Variants in BTNL8 observed in about 807,000 individuals in gnomAD.
The protein encoded by BTNL8 is butyrophilin like 8, also known as butyrophilin-like protein 8.
In BTNL8, 22 loss-of-function variants were observed where a neutral mutation model predicts 36.1. That is an observed-to-expected ratio of 0.61 (90% CI 0.44 to 0.87). The LOEUF is 0.87. Ranked by LOEUF, BTNL8 falls within the 40% of genes least tolerant of loss-of-function variation. BTNL8 has a pLI of 0.00. For synonymous variants in BTNL8, 203 were observed against 235.6 expected (o/e 0.86, Z 1.27); for missense variants, 526 against 616.9 (o/e 0.85, Z 1.56).
rs774049664 is a variant in BTNL8 at position 180,899,262 on chromosome 5, C to T, written c.-49C>T. On this transcript the variant is annotated 5_prime_UTR_variant, in exon 1 of 8. Coordinates refer to ENST00000340184, the MANE Select transcript of BTNL8 (RefSeq NM_001040462.3). Reference sequence around the variant, plus strand: ...CTTCTCTCTAATCCATCCGTCACCTCTCCTGTCATCCGTTTCCATGCCGTG... The same window carrying T: ...CTTCTCTCTAATCCATCCGTCACCTTTCCTGTCATCCGTTTCCATGCCGTG... 5 of 1,601,286 alleles carry T rather than the reference C, an allele frequency of 3.1e-6. No homozygotes were observed. The South Asian group carries it at 4.4e-5, about 14-fold the overall frequency.
At chr5:180,940,826 G>A (rs903420791) in intron 3 of BTNL8, among the ~76,000 whole-genome samples, 1 of 152,122 alleles carries the variant, frequency 6.6e-6, no homozygotes, top group Non-Finnish European at 1.5e-5. Flanking sequence ...AGCACTTTGG[G>A]AGGCCAAGGC....
chr5:180,936,175 C>T (rs1758647075), intron 3 of BTNL8, among the ~76,000 whole-genome samples: 1 of 152,062 alleles, frequency 6.6e-6, no homozygotes, highest in South Asian at 2.1e-4. Flanking sequence ...TCCGAAAGTG[C>T]TGGGGTTACA....
intron 3 of BTNL8, among the ~76,000 whole-genome samples, chr5:180,914,271 A>T (rs1028301785): frequency 6.6e-6 from 1 of 152,218 alleles, no homozygotes; most frequent in African/African-American, 2.4e-5. Flanking sequence ...TGAGGGACAC[A>T]GTGTTCATCG....
chr5:180,949,682 C>G, intron 7 of BTNL8: 2 of 606,072 alleles, frequency 3.3e-6, no homozygotes, highest in Admixed American at 3.5e-5. Context: ...GGTGATATGC[C>G]GAGATTGGGA....
chr5:180,923,696 AG>A (rs1757970972), intron 3 of BTNL8, among the ~76,000 whole-genome samples: 1 of 152,194 alleles, frequency 6.6e-6, no homozygotes, highest in Admixed American at 6.5e-5. Context: ...ATTTCCAGGA[AG>A]GAAAAAATAG....
At chr5:180,927,832 T>C (rs764665072) in intron 3 of BTNL8, among the ~76,000 whole-genome samples, 1 of 152,136 alleles carries the variant, frequency 6.6e-6, no homozygotes, top group Non-Finnish European at 1.5e-5. Flanking sequence ...TATGGGACTA[T>C]GTGAAAAGAC....
intron 3 of BTNL8, among the ~76,000 whole-genome samples, chr5:180,929,279 C>A (rs1179228059): frequency 2.6e-5 from 4 of 152,128 alleles, no homozygotes; most frequent in Admixed American, 6.5e-5. Flanking sequence ...AACAAAGACA[C>A]AATGTACCAG....
At chr5:180,910,011 A>T (rs1236514607) in intron 2 of BTNL8, 1 of 152,190 alleles carries the variant, frequency 6.6e-6, no homozygotes, top group African/African-American at 2.4e-5. Flanking sequence ...CCTCCTCCTC[A>T]TAGCAGACTT....
intron 1 of BTNL8, chr5:180,902,384 TG>T: frequency 6.4e-7 from 1 of 1,551,068 alleles, no homozygotes; most frequent in Non-Finnish European, 8.7e-7. Context: ...GATGTGGACA[TG>T]GTTTGTCAAA....
chr5:180,916,909 C>T (rs139026071), intron 3 of BTNL8, among the ~76,000 whole-genome samples: 86 of 152,292 alleles, frequency 5.6e-4, no homozygotes, highest in African/African-American at 1.7e-3. Context: ...CAATTGATCA[C>T]GAGTAACTGA....
chr5:180,912,436 T>C (rs1200583324), intron 3 of BTNL8, among the ~76,000 whole-genome samples: 1 of 152,082 alleles, frequency 6.6e-6, no homozygotes, highest in Non-Finnish European at 1.5e-5. Flanking sequence ...TGTATATATA[T>C]ATATATATGT....
chr5:180,907,385 A>G (rs964453858), intron 1 of BTNL8, among the ~76,000 whole-genome samples: 8 of 128,308 alleles, frequency 6.2e-5, no homozygotes, highest in African/African-American at 2.7e-4. Context: ...AGCTCCTTTA[A>G]GCACTTCTCT....
Position 180,943,475 on chromosome 5 carries a change from T to TAA in BTNL8, c.674-4037_674-4036insAA, listed in dbSNP as rs1265534694. ...CATTTCTTAAAAGAAAACATACAAA[T>TAA]GAACAACAGATATATAAAAATCTGT... On this transcript the variant is annotated intron_variant, in intron 3 of 7. Transcript: ENST00000340184. 2.0e-5 allele frequency among the ~76,000 whole-genome samples: 3 copies of TAA among 152,048 alleles called. No homozygotes were observed. In the South Asian group the frequency reaches 6.2e-4, roughly 32 times the overall value.
At chr5:180,937,067 A>G (rs577891555) in intron 3 of BTNL8, among the ~76,000 whole-genome samples, 222 of 152,316 alleles carry the variant, frequency 1.5e-3, no homozygotes, top group African/African-American at 5.0e-3. Flanking sequence ...TGCTGCACGC[A>G]GCCCCCCAGG....
intron 3 of BTNL8, among the ~76,000 whole-genome samples, chr5:180,946,585 A>C (rs1759260346): frequency 6.6e-6 from 1 of 152,232 alleles, no homozygotes; most frequent in Non-Finnish European, 1.5e-5. Flanking sequence ...AATAGAGAGT[A>C]GAATGTTACC....
At chr5:180,902,615 G>T (rs1055518645) in intron 1 of BTNL8, among the ~76,000 whole-genome samples, 11 of 150,428 alleles carry the variant, frequency 7.3e-5, no homozygotes, top group Non-Finnish European at 1.6e-4. Flanking sequence ...ATGCTGGTGC[G>T]CTGCACCCAC....
chr5:180,911,377 G>A lies in BTNL8; in HGVS notation c.436G>A (p.Val146Ile), dbSNP rs369838126. 1.5e-4 allele frequency: 245 copies of A among 1,614,162 alleles called. 2 individuals are homozygous for A. In the East Asian group the frequency reaches 3.3e-3, roughly 22 times the overall value. ...SVPLISITGY[V>I]DRDIQLLCQS... ...TCCTCTCATTTCCATCACGGGATAT[G>A]TTGATAGAGACATCCAGCTACTCTG... is the stretch of plus-strand genomic sequence containing the variant. Residue 146 changes from valine (V) to isoleucine (I), a missense_variant, in exon 3 of 8, where the codon GTT (valine) becomes ATT (isoleucine). Physicochemically the swap from Val to Ile is conservative, Grantham distance 29. Coordinates refer to ENST00000340184, the MANE Select transcript of BTNL8 (RefSeq NM_001040462.3).
chr5:180,930,282 A>G (rs1054033796), intron 3 of BTNL8, among the ~76,000 whole-genome samples: 2 of 152,206 alleles, frequency 1.3e-5, no homozygotes, highest in Non-Finnish European at 2.9e-5. Context: ...AAAACTCTCA[A>G]TAAATTAGAT....
chr5:180,938,381 A>C (rs986321543), intron 3 of BTNL8, among the ~76,000 whole-genome samples: 1 of 152,186 alleles, frequency 6.6e-6, no homozygotes, highest in Non-Finnish European at 1.5e-5. Flanking sequence ...TATTCAACAC[A>C]AAAAGGTCCT....
Sources: allele counts gnomAD v4.1 joint callset (sites outside exome capture counted in the v4.1 genomes callset), GRCh38; gene constraint gnomAD v4.1.1; transcripts MANE v1.5; gene names NCBI Gene and HGNC (gene_info 2026-07-23, HGNC 2026-07-21).